PRDM14: variants seen among roughly 807,000 people sequenced by gnomAD.
PRDM14 encodes the protein PR/SET domain 14.
A neutral mutation model predicts 48.0 loss-of-function variants in PRDM14; 16 were observed. The observed-to-expected ratio is 0.33, with a 90% confidence interval of 0.23 to 0.51. The LOEUF is 0.51. PRDM14 is among the 20% of genes least tolerant of loss of function. The pLI, the probability that PRDM14 is intolerant of heterozygous loss-of-function variation, is 0.97. For synonymous variants in PRDM14, 264 were observed against 276.6 expected (o/e 0.95, Z 0.45); for missense variants, 566 against 719.6 (o/e 0.79, Z 2.44).
At chr8:70,061,374 G>A (rs1369328028) in intron 5 of PRDM14, among the ~76,000 whole-genome samples, 1 of 152,136 alleles carries the variant, frequency 6.6e-6, no homozygotes, top group Non-Finnish European at 1.5e-5. Flanking sequence ...AGGACAGCAG[G>A]GAAGCTGTCC....
chr8:70,069,698 G>T lies in PRDM14; in HGVS notation c.163C>A (p.Gln55Lys). Residue 55 changes from glutamine (Q) to lysine (K), a missense_variant, in exon 2 of 8, where the codon CAG becomes AAG. This residue lies in a region of PRDM14 where 410 missense variants were observed against 424.6 expected (regional missense o/e 0.97). Coordinates refer to ENST00000276594, the MANE Select transcript of PRDM14 (RefSeq NM_024504.4). ...TVEEDFQPFR[Q>K]LEAAASAAPA... Reference sequence around the variant, plus strand: ...GCAGCAGACGCTGCGGCCTCCAGCTGCCGGAAAGGTTGGAAGTCTTCCTCC... The same window carrying T: ...GCAGCAGACGCTGCGGCCTCCAGCTTCCGGAAAGGTTGGAAGTCTTCCTCC... 3 of 1,559,998 alleles carry T rather than the reference G, an allele frequency of 1.9e-6. No homozygotes were observed. In the South Asian group the frequency reaches 3.5e-5, roughly 18 times the overall value.
At chr8:70,066,599 C>T (rs751368203) in intron 4 of PRDM14, 94 bp from the exon 5 acceptor site, 51 of 914,218 alleles carry the variant, frequency 5.6e-5, no homozygotes, top group Non-Finnish European at 8.6e-5. Context: ...AAATATCACA[C>T]TTGAGTCCAC....
chr8:70,058,493 G>T, intron 6 of PRDM14, 147 bp downstream of exon 6: 1 of 668,530 alleles, frequency 1.5e-6, no homozygotes, highest in Non-Finnish European at 2.6e-6. Flanking sequence ...TGCCTGTTCC[G>T]TAATACTATC....
rs1353381275 is a variant in PRDM14 at position 70,060,784 on chromosome 8, T to C, written c.1184-1942A>G. ...GCACTGAGGCCGACCTATTTCTCTT[T>C]GTGCCTTTAAGATCAGCCTGAGTTA... On this transcript the variant is annotated intron_variant, in intron 5 of 7. Coordinates refer to ENST00000276594, the MANE Select transcript of PRDM14 (RefSeq NM_024504.4). Among the ~76,000 whole-genome samples the C allele has an allele frequency of 5.9e-5, 9 of 152,324 alleles. No homozygotes were observed. In the East Asian group the frequency reaches 1.5e-3, roughly 26 times the overall value.
intron 7 of PRDM14, among the ~76,000 whole-genome samples, chr8:70,052,948 A>AATTACCT (rs1309453864): frequency 1.3e-5 from 2 of 150,666 alleles, no homozygotes; most frequent in Admixed American, 1.3e-4. Context: ...AAAGTAAAAA[A>AATTACCT]ATTACCTAGG....
chr8:70,070,761 C>T (rs1405098694), intron 1 of PRDM14, among the ~76,000 whole-genome samples: 1 of 152,232 alleles, frequency 6.6e-6, no homozygotes. Flanking sequence ...CCTCCCGCCC[C>T]CGCACCGCCG....
At position 70,058,628 on chromosome 8, in the gene PRDM14, C is replaced by T; in HGVS notation, c.1386+12G>A. On this transcript the variant is annotated intron_variant, in intron 6 of 7. Transcript: ENST00000276594. ...AACGTGATGGTGGGTCATGTGTCCT[C>T]CTAATACTCACCTTGTGAGGCCGGT... is the stretch of plus-strand genomic sequence containing the variant. 6.2e-7 allele frequency: 1 copy of T among 1,611,606 alleles called. No homozygotes were observed.
intron 6 of PRDM14, among the ~76,000 whole-genome samples, chr8:70,056,870 C>T (rs1472253521): frequency 6.6e-6 from 1 of 150,902 alleles, no homozygotes; most frequent in Admixed American, 6.6e-5. Context: ...AAGAGCACCT[C>T]GTCTGTTGAA....
At chr8:70,053,893 T>C (rs1805430556) in intron 7 of PRDM14, among the ~76,000 whole-genome samples, 2 of 152,184 alleles carry the variant, frequency 1.3e-5, no homozygotes, top group Non-Finnish European at 2.9e-5. Context: ...TACCAGTGCT[T>C]TCCAACAGGA....
In PRDM14 at chr8:70,069,562, G is replaced by C; in HGVS notation, c.299C>G (p.Pro100Arg). 6.2e-7 allele frequency: 1 copy of C among 1,607,930 alleles called. No homozygotes were observed. The highest frequency in any genetic ancestry group is 8.5e-7 in the Non-Finnish European group (1 of 1,177,326). The change falls in exon 2 of 8, where the codon CCG becomes CGG. Residue 100 changes from proline to arginine, a missense_variant. Pro to Arg is a moderately radical substitution (Grantham distance 103). Coordinates refer to ENST00000276594, the MANE Select transcript of PRDM14 (RefSeq NM_024504.4). ...GGGGACGTGGGGAATTGGGTACCAC[G>C]GTGGCAGCTTGCTGTACCAGGGCAG... ...YDLPWYSKLPPWYPIPHVPRE... is the reference protein window; with the variant it reads ...YDLPWYSKLPRWYPIPHVPRE...
chr8:70,058,380 T>G (rs1398689150), intron 6 of PRDM14, among the ~76,000 whole-genome samples: 1 of 152,338 alleles, frequency 6.6e-6, no homozygotes, highest in Non-Finnish European at 1.5e-5. Context: ...GCATCTTTCA[T>G]AATCCACGTG....
chr8:70,064,811 A>G (rs1805640331), intron 5 of PRDM14, among the ~76,000 whole-genome samples: 1 of 149,356 alleles, frequency 6.7e-6, no homozygotes, highest in Admixed American at 6.7e-5. Context: ...GGCGTGGGCC[A>G]CCACGCCTGG....
At chr8:70,063,978 C>G (rs1805626105) in intron 5 of PRDM14, among the ~76,000 whole-genome samples, 1 of 152,046 alleles carries the variant, frequency 6.6e-6, no homozygotes, top group African/African-American at 2.4e-5. Flanking sequence ...ATTCCCACAC[C>G]CACACCACCC....
At position 70,067,245 on chromosome 8, in the gene PRDM14, G is replaced by A. The variant is rs189060050; in HGVS notation, c.913-740C>T. Among the ~76,000 whole-genome samples the A allele has an allele frequency of 3.3e-5, 5 of 152,260 alleles. No homozygotes were observed. The East Asian group carries it at 9.6e-4, about 29-fold the overall frequency. The stretch of plus-strand genomic sequence containing the variant: ...TATAGATTATTTCTTTCAAGGCCGG[G>A]CCTGGTGGCTCACACCTGTAATCCC... On this transcript the variant is annotated intron_variant, in intron 4 of 7. Coordinates refer to ENST00000276594, the MANE Select transcript of PRDM14 (RefSeq NM_024504.4).
rs1805667704 is a variant in PRDM14 at position 70,066,410 on chromosome 8, C to G, written c.1008G>C (p.Glu336Asp). 6.2e-7 allele frequency: 1 copy of G among 1,614,084 alleles called. No individual in the cohort carries two copies. The highest frequency in any genetic ancestry group is 1.3e-5 in the African/African-American group (1 of 74,932). ...GACACTGCACAGCAACTAGGTTCTG[C>G]TCCTTGGGGAAGCGGGCACAGTTGA... ...SYVNCARFPKEQNLVAVQCQG... is the reference protein window; with the variant it reads ...SYVNCARFPKDQNLVAVQCQG... Residue 336 changes from glutamate (E) to aspartate (D), a missense_variant, in exon 5 of 8, where the codon GAG (glutamate) becomes GAC (aspartate). Transcript: ENST00000276594.
At chr8:70,057,115 A>G (rs1805487811) in intron 6 of PRDM14, among the ~76,000 whole-genome samples, 1 of 151,022 alleles carries the variant, frequency 6.6e-6, no homozygotes, top group African/African-American at 2.4e-5. Flanking sequence ...ACAGGTGCCC[A>G]CCACCACGCC....
intron 1 of PRDM14, among the ~76,000 whole-genome samples, 161 bp downstream of exon 1, chr8:70,070,989 A>T (rs1805757386): frequency 6.6e-6 from 1 of 152,046 alleles, no homozygotes; most frequent in African/African-American, 2.4e-5. Flanking sequence ...CCCTTCTCCT[A>T]GCCTCCTCCG....
Position 70,055,039 on chromosome 8 carries a change from A to G in PRDM14, c.1488+261T>C, listed in dbSNP as rs1221709773. 2.6e-5 allele frequency among the ~76,000 whole-genome samples: 4 copies of G among 152,310 alleles called. No individual in the cohort carries two copies. The South Asian group carries it at 6.2e-4, about 24-fold the overall frequency. On this transcript the variant is annotated intron_variant, in intron 7 of 7. Coordinates refer to ENST00000276594, the MANE Select transcript of PRDM14 (RefSeq NM_024504.4). ...CACTCAGCTAGTGCTTTTAAATACT[A>G]TGTAATAGGTCATCAGGTCCCCATA...
chr8:70,059,646 C>T (rs2131037693), intron 5 of PRDM14, among the ~76,000 whole-genome samples: 1 of 152,190 alleles, frequency 6.6e-6, no homozygotes, highest in South Asian at 2.1e-4. Context: ...GTGTAATAAA[C>T]CCTCATGTGC....
Sources: allele counts gnomAD v4.1 joint callset (sites outside exome capture counted in the v4.1 genomes callset), GRCh38; gene constraint gnomAD v4.1.1; regional missense constraint gnomAD v4.1.1; transcripts MANE v1.5; gene names NCBI Gene and HGNC (gene_info 2026-07-23, HGNC 2026-07-21).